SNTG2: variants seen among roughly 807,000 people sequenced by gnomAD.
SNTG2 encodes syntrophin gamma 2.
Under a neutral mutation model 70.9 loss-of-function variants are expected in SNTG2, and 74 were observed. The observed-to-expected ratio is 1.04, with a 90% CI of 0.86 to 1.27. SNTG2 has a LOEUF of 1.27. Among genes scored for constraint, SNTG2 ranks in the 50% most tolerant of loss-of-function variants. SNTG2 has a pLI of 0.00. For missense variants in SNTG2, 717 were observed against 690.7 expected (o/e 1.04, Z -0.43); for synonymous variants, 278 against 273.8 (o/e 1.02, Z -0.15).
intron 12 of SNTG2, among the ~76,000 whole-genome samples, chr2:1,251,011 TTC>T: frequency 6.6e-6 from 1 of 152,260 alleles, no homozygotes; most frequent in Non-Finnish European, 1.5e-5. Flanking sequence ...ACCATCTCCA[TTC>T]TCTCTTCAGA....
Position 1,314,815 on chromosome 2 carries a change from T to C in SNTG2, c.1378-1450T>C, listed in dbSNP as rs142532530. ...AGAAGGCAAAGGAAGAGCAAAGGCA[T>C]GTCTTACGTGGTGGCAGGCAAGAGA... On this transcript the variant is annotated intron_variant, in intron 15 of 16. Transcript: ENST00000308624. 7.9e-3 allele frequency among the ~76,000 whole-genome samples: 1,207 copies of C among 152,268 alleles called. 20 individuals carry two copies. The highest frequency in any genetic ancestry group is 0.026 in the African/African-American group (1,083 of 41,550).
chr2:1,316,018 A>G (rs969671004), intron 15 of SNTG2, among the ~76,000 whole-genome samples: 6 of 152,298 alleles, frequency 3.9e-5, no homozygotes, highest in African/African-American at 1.4e-4. Flanking sequence ...TGCATCCCCA[A>G]GACATGTGGG....
At chr2:1,110,013 T>C (rs940009875) in intron 4 of SNTG2, among the ~76,000 whole-genome samples, 2 of 152,146 alleles carry the variant, frequency 1.3e-5, no homozygotes, top group Non-Finnish European at 2.9e-5. Context: ...AGTGGGAATG[T>C]CAGGTTGGAC....
intron 13 of SNTG2, among the ~76,000 whole-genome samples, chr2:1,264,283 C>T (rs1678606599): frequency 6.6e-6 from 1 of 152,156 alleles, no homozygotes; most frequent in African/African-American, 2.4e-5. Flanking sequence ...CATTCCTGCC[C>T]ATGGTTAACT....
At chr2:1,275,898 A>G (rs1306151207) in intron 14 of SNTG2, among the ~76,000 whole-genome samples, 1 of 152,246 alleles carries the variant, frequency 6.6e-6, no homozygotes, top group African/African-American at 2.4e-5. Context: ...AAAGCAAAAC[A>G]GCCATACTGC....
intron 14 of SNTG2, among the ~76,000 whole-genome samples, chr2:1,270,803 G>A (rs931302432): frequency 3.9e-5 from 6 of 152,148 alleles, no homozygotes; most frequent in East Asian, 1.9e-4. Context: ...GACTTTGATC[G>A]TATTCCAACC....
intron 13 of SNTG2, among the ~76,000 whole-genome samples, chr2:1,265,086 G>A (rs1678650045): frequency 6.6e-6 from 1 of 152,134 alleles, no homozygotes; most frequent in African/African-American, 2.4e-5. Context: ...TTCAATGGGG[G>A]ATGTGCGTTC....
chr2:1,226,644 G>A (rs377002462), intron 9 of SNTG2, among the ~76,000 whole-genome samples: 1 of 151,910 alleles, frequency 6.6e-6, no homozygotes, highest in East Asian at 2.0e-4. Flanking sequence ...ACTGAACTGA[G>A]AGAAAAGGTG....
At chr2:1,164,785 C>G (rs938843353) in intron 6 of SNTG2, among the ~76,000 whole-genome samples, 6 of 152,018 alleles carry the variant, frequency 3.9e-5, no homozygotes, top group South Asian at 4.2e-4. Flanking sequence ...CTTGCCCAAA[C>G]TGTTGGCAGG....
At chr2:1,200,368 CAA>C (rs1388653169) in intron 8 of SNTG2, among the ~76,000 whole-genome samples, 1 of 151,978 alleles carries the variant, frequency 6.6e-6, no homozygotes, top group Non-Finnish European at 1.5e-5. Context: ...AAAATCAACT[CAA>C]AGTGGATTAA....
chr2:1,255,199 T>C (rs184033989), intron 12 of SNTG2, among the ~76,000 whole-genome samples: 2 of 152,312 alleles, frequency 1.3e-5, no homozygotes, highest in African/African-American at 2.4e-5. Context: ...GTTTGTCCAA[T>C]GAGCGGTGAT....
chr2:1,023,908 G>C (rs896124640), intron 1 of SNTG2, among the ~76,000 whole-genome samples: 3 of 152,196 alleles, frequency 2.0e-5, no homozygotes, highest in African/African-American at 7.2e-5. Flanking sequence ...AGCTTTCCAC[G>C]GATGAGCAAC....
intron 7 of SNTG2, among the ~76,000 whole-genome samples, chr2:1,166,234 C>T (rs1047476069): frequency 1.3e-5 from 2 of 152,202 alleles, no homozygotes; most frequent in African/African-American, 4.8e-5. Flanking sequence ...GAGGGCATCA[C>T]TGCCCTCTCT....
chr2:1,209,156 C>CTGGCTGGA lies in SNTG2; in HGVS notation c.646_653dup (p.Thr219GlyfsTer24), dbSNP rs770261004. 11 of 1,614,010 alleles carry CTGGCTGGA rather than the reference C, an allele frequency of 6.8e-6. No individual in the cohort carries two copies. The South Asian group carries it at 1.2e-4, about 18-fold the overall frequency. On this transcript the variant is annotated frameshift_variant, in exon 9 of 17. Transcript: ENST00000308624. LOFTEE classifies it high-confidence loss of function. ...CTAAGGACCCGAGGTATGAGAAGCGCTGGCTGGACACCTTGTCCGTGCCTC... is the reference window on the plus strand; with the variant it reads ...CTAAGGACCCGAGGTATGAGAAGCGCTGGCTGGATGGCTGGACACCTTGTCCGTGCCTC...
intron 1 of SNTG2, among the ~76,000 whole-genome samples, chr2:1,019,579 G>A (rs1004895776): frequency 1.1e-4 from 17 of 152,156 alleles, no homozygotes; most frequent in Admixed American, 8.5e-4. Flanking sequence ...TGGAAAGAAA[G>A]GAAATGGAAA....
At chr2:988,131 T>C (rs1173232587) in intron 1 of SNTG2, among the ~76,000 whole-genome samples, 4 of 152,200 alleles carry the variant, frequency 2.6e-5, no homozygotes, top group South Asian at 2.1e-4. Flanking sequence ...TTTCCCAGCC[T>C]GTAACATTGA....
chr2:970,546 A>C (rs1345989059), intron 1 of SNTG2, among the ~76,000 whole-genome samples: 3 of 143,890 alleles, frequency 2.1e-5, no homozygotes, highest in African/African-American at 7.9e-5. Flanking sequence ...GCGATAGTTT[A>C]CTGAGAATGA....
chr2:957,339 G>A (rs908663361), intron 1 of SNTG2, among the ~76,000 whole-genome samples: 1 of 152,094 alleles, frequency 6.6e-6, no homozygotes, highest in Admixed American at 6.6e-5. Context: ...GGGGAGCAAC[G>A]GATGGGGAAC....
chr2:1,109,098 T>TAATAGTGGACG (rs1210817773), intron 4 of SNTG2, among the ~76,000 whole-genome samples: 1 of 152,060 alleles, frequency 6.6e-6, no homozygotes, highest in Non-Finnish European at 1.5e-5. Flanking sequence ...ACGCACGCTG[T>TAATAGTGGACG]CACTGGGGCG....
Sources: allele counts gnomAD v4.1 joint callset (sites outside exome capture counted in the v4.1 genomes callset), GRCh38; gene constraint gnomAD v4.1.1; transcripts MANE v1.5; gene names NCBI Gene and HGNC (gene_info 2026-07-23, HGNC 2026-07-21).